GULP1: variants seen among roughly 807,000 people sequenced by gnomAD.
GULP1 encodes the protein PTB domain-containing engulfment adapter protein 1.
In GULP1, 19 loss-of-function variants were observed where a neutral mutation model predicts 40.9. That is an observed-to-expected ratio of 0.46 (90% confidence interval 0.32 to 0.68). The LOEUF (loss-of-function observed/expected upper bound fraction) is 0.68. Ranked by LOEUF, GULP1 falls within the 30% of genes least tolerant of loss-of-function variation. GULP1 has a pLI of 0.03. For missense variants in GULP1, 312 were observed against 362.2 expected, an observed-to-expected ratio of 0.86 and a Z score of 1.12; for synonymous variants, 119 against 117.6, an observed-to-expected ratio of 1.01 and a Z score of -0.08.
At chr2:188,548,900 CATAGGCAAATAA>C (rs1692697758) in intron 7 of GULP1, among the ~76,000 whole-genome samples, 1 of 151,626 alleles carries the variant, frequency 6.6e-6, no homozygotes, top group Non-Finnish European at 1.5e-5. Flanking sequence ...ATTGGACTTT[CATAGGCAAATAA>C]AATGCACCTT....
At chr2:188,535,010 T>C (rs1688549238) in intron 6 of GULP1, among the ~76,000 whole-genome samples, 1 of 151,238 alleles carries the variant, frequency 6.6e-6, no homozygotes, top group Admixed American at 6.6e-5. Flanking sequence ...TAATATTTAA[T>C]AATAAATTGT....
intron 2 of GULP1, among the ~76,000 whole-genome samples, chr2:188,426,098 A>G (rs1342070321): frequency 6.6e-6 from 1 of 152,202 alleles, no homozygotes; most frequent in Non-Finnish European, 1.5e-5. Flanking sequence ...TACATAAATC[A>G]ATACATGTAA....
intron 7 of GULP1, among the ~76,000 whole-genome samples, chr2:188,556,678 A>T (rs1228736303): frequency 6.6e-6 from 1 of 152,084 alleles, no homozygotes; most frequent in Non-Finnish European, 1.5e-5. Context: ...TATAAAAGTC[A>T]CTTCTTCCTG....
At chr2:188,559,277 C>A in intron 7 of GULP1, among the ~76,000 whole-genome samples, 1 of 152,190 alleles carries the variant, frequency 6.6e-6, no homozygotes, top group East Asian at 1.9e-4. Flanking sequence ...CAGGGTAGAG[C>A]TCAGGCTATG....
intron 1 of GULP1, among the ~76,000 whole-genome samples, chr2:188,343,277 A>T (rs909355068): frequency 6.6e-6 from 1 of 152,222 alleles, no homozygotes; most frequent in Non-Finnish European, 1.5e-5. Context: ...GCAAATTTTG[A>T]AAGTGCTTTT....
chr2:188,547,949 A>C (rs1184629051), intron 7 of GULP1, among the ~76,000 whole-genome samples: 2 of 152,050 alleles, frequency 1.3e-5, no homozygotes, highest in African/African-American at 2.4e-5. Context: ...ATTGTTTAAA[A>C]CTCTCAGAAA....
chr2:188,418,496 G>T (rs1178754164), intron 2 of GULP1, among the ~76,000 whole-genome samples: 1 of 152,088 alleles, frequency 6.6e-6, no homozygotes, highest in African/African-American at 2.4e-5. Context: ...AGCCGGGCAT[G>T]GTGGTGGGCG....
intron 1 of GULP1, among the ~76,000 whole-genome samples, chr2:188,303,005 A>G (rs1381615346): frequency 1.3e-5 from 2 of 152,212 alleles, no homozygotes; most frequent in East Asian, 3.9e-4. Flanking sequence ...AATGGTCCCA[A>G]CGCCTGTTAT....
At chr2:188,444,302 G>C (rs533660727) in intron 2 of GULP1, among the ~76,000 whole-genome samples, 7 of 152,218 alleles carry the variant, frequency 4.6e-5, no homozygotes, top group South Asian at 2.1e-4. Context: ...ATAACCATGT[G>C]AGATAATTCA....
At chr2:188,522,556 T>G (rs1685112205) in intron 4 of GULP1, among the ~76,000 whole-genome samples, 200 bp from the exon 5 acceptor site, 1 of 151,938 alleles carries the variant, frequency 6.6e-6, no homozygotes, top group Non-Finnish European at 1.5e-5. Context: ...AAATAATCTT[T>G]GATTAACAGG....
intron 2 of GULP1, among the ~76,000 whole-genome samples, chr2:188,384,966 A>T (rs976895030): frequency 6.6e-6 from 1 of 152,132 alleles, no homozygotes; most frequent in African/African-American, 2.4e-5. Flanking sequence ...ATGGGCTGAC[A>T]TTGAGTGTCT....
At chr2:188,365,004 A>G (rs1436736700) in intron 1 of GULP1, among the ~76,000 whole-genome samples, 1 of 151,960 alleles carries the variant, frequency 6.6e-6, no homozygotes, top group African/African-American at 2.4e-5. Flanking sequence ...TGGTTGGATA[A>G]TACTTGAAGG....
intron 1 of GULP1, among the ~76,000 whole-genome samples, chr2:188,332,562 T>C (rs537426845): frequency 6.6e-6 from 1 of 152,248 alleles, no homozygotes; most frequent in South Asian, 2.1e-4. Flanking sequence ...AAAACCTGTG[T>C]ACCTAATTCC....
chr2:188,461,686 TG>T (rs1418249377), intron 2 of GULP1, among the ~76,000 whole-genome samples: 1 of 152,116 alleles, frequency 6.6e-6, no homozygotes, highest in Non-Finnish European at 1.5e-5. Context: ...GGTTCAATCT[TG>T]GTAGGTTGTA....
At chr2:188,363,783 C>T (rs1220684762) in intron 1 of GULP1, among the ~76,000 whole-genome samples, 1 of 152,100 alleles carries the variant, frequency 6.6e-6, no homozygotes, top group Non-Finnish European at 1.5e-5. Flanking sequence ...GAAGAACTGA[C>T]ATTTGCAAGT....
intron 1 of GULP1, among the ~76,000 whole-genome samples, chr2:188,310,045 G>T (rs1357950248): frequency 6.6e-6 from 1 of 152,144 alleles, no homozygotes; most frequent in Admixed American, 6.6e-5. Context: ...CAGTTACAAT[G>T]AGGCAATTTC....
intron 4 of GULP1, among the ~76,000 whole-genome samples, chr2:188,503,031 C>A (rs2063576299): frequency 6.6e-6 from 1 of 151,840 alleles, no homozygotes; most frequent in Admixed American, 6.6e-5. Context: ...GTCATAAATC[C>A]ATGACCTAAT....
intron 2 of GULP1, among the ~76,000 whole-genome samples, chr2:188,443,951 C>T (rs2058165433): frequency 6.6e-6 from 1 of 152,010 alleles, no homozygotes; most frequent in South Asian, 2.1e-4. Context: ...AAGTCAATTG[C>T]CTTTTTTTTT....
intron 1 of GULP1, among the ~76,000 whole-genome samples, chr2:188,370,274 T>A (rs555778170): frequency 6.6e-6 from 1 of 152,306 alleles, no homozygotes; most frequent in African/African-American, 2.4e-5. Flanking sequence ...AGCACACAGA[T>A]GGCCAGTTTG....
Sources: gnomAD v4.1 joint callset for allele counts (sites outside exome capture counted in the v4.1 genomes callset) on GRCh38, gnomAD v4.1.1 for gene constraint, MANE v1.5 for transcripts, NCBI Gene and HGNC (gene_info 2026-07-23, HGNC 2026-07-21) for gene names.